The following DNAJC6 variants were observed in gnomAD, a reference collection of about 807,000 sequenced individuals.
DNAJC6 encodes auxilin.
DNAJC6 carries 34 observed loss-of-function variants against 110.0 expected under a neutral mutation model. That is an observed-to-expected ratio of 0.31 (90% CI 0.24 to 0.41). The LOEUF is 0.41. DNAJC6 is among the 10% of genes least tolerant of loss of function. The pLI is 1.00. For synonymous variants in DNAJC6, 406 were observed against 437.2 expected (o/e 0.93, Z 0.89); for missense variants, 1,031 against 1,207.8 (o/e 0.85, Z 2.17).
At chr1:65,390,196 A>T (rs970298832) in intron 11 of DNAJC6, among the ~76,000 whole-genome samples, 21 of 152,158 alleles carry the variant, frequency 1.4e-4, no homozygotes, top group Non-Finnish European at 2.6e-4. Context: ...GGACTGACAA[A>T]TAAGTGTGAT....
chr1:65,385,996 A>T (rs1416842794), intron 7 of DNAJC6, 90 bp downstream of exon 7: 13 of 1,274,414 alleles, frequency 1.0e-5, no homozygotes. Context: ...TTCCTGCAAG[A>T]CTATATCATT....
At chr1:65,359,913 T>G (rs1326808458) in intron 1 of DNAJC6, among the ~76,000 whole-genome samples, 1 of 152,244 alleles carries the variant, frequency 6.6e-6, no homozygotes, top group East Asian at 1.9e-4. Context: ...AATATCATTC[T>G]TCTTTCTACT....
At chr1:65,334,912 A>C (rs1228428332) in intron 1 of DNAJC6, among the ~76,000 whole-genome samples, 8 of 152,188 alleles carry the variant, frequency 5.3e-5, no homozygotes. Context: ...CATCACCTAC[A>C]AGATAAAATT....
At chr1:65,282,375 A>C (rs915292292) in intron 1 of DNAJC6, among the ~76,000 whole-genome samples, 3 of 152,184 alleles carry the variant, frequency 2.0e-5, no homozygotes, top group Non-Finnish European at 2.9e-5. Context: ...CAGACTTTTA[A>C]ATAAAAGGCT....
At chr1:65,396,322 G>A (rs1645976625) in intron 13 of DNAJC6, among the ~76,000 whole-genome samples, 2 of 152,160 alleles carry the variant, frequency 1.3e-5, no homozygotes, top group Non-Finnish European at 2.9e-5. Context: ...GTTAAGTCAT[G>A]TCATTGCTCT....
chr1:65,381,191 A>G (rs1463386124), intron 5 of DNAJC6, among the ~76,000 whole-genome samples: 2 of 151,814 alleles, frequency 1.3e-5, no homozygotes, highest in African/African-American at 4.8e-5. Flanking sequence ...TGCTGGGATT[A>G]CAGGCGTGAC....
At chr1:65,268,179 C>T (rs1451754903) in intron 1 of DNAJC6, among the ~76,000 whole-genome samples, 1 of 152,150 alleles carries the variant, frequency 6.6e-6, no homozygotes, top group Non-Finnish European at 1.5e-5. Flanking sequence ...TTTTTGTAAG[C>T]TACCATCACA....
chr1:65,355,185 C>G (rs868612130), intron 1 of DNAJC6, among the ~76,000 whole-genome samples: 4 of 150,076 alleles, frequency 2.7e-5, no homozygotes, highest in East Asian at 2.0e-4. Context: ...ATCGCTTGAG[C>G]CTGGGAGGCG....
chr1:65,401,305 TC>T (rs1184649700), intron 14 of DNAJC6, among the ~76,000 whole-genome samples: 1 of 152,210 alleles, frequency 6.6e-6, no homozygotes, highest in Non-Finnish European at 1.5e-5. Context: ...TTGACAATTG[TC>T]CCATTTGTTT....
At chr1:65,279,138 T>C in intron 1 of DNAJC6, 1 of 985,446 alleles carries the variant, frequency 1.0e-6, no homozygotes. Flanking sequence ...TTTGATCCTC[T>C]TTTAAAGCCA....
chr1:65,308,638 T>A (rs1645066598), upstream of DNAJC6, among the ~76,000 whole-genome samples: 1 of 152,238 alleles, frequency 6.6e-6, no homozygotes, highest in South Asian at 2.1e-4. Context: ...GAGTTACTGC[T>A]TTCTTTGGCC....
At chr1:65,343,348 A>G (rs1197059421) in intron 1 of DNAJC6, among the ~76,000 whole-genome samples, 1 of 152,190 alleles carries the variant, frequency 6.6e-6, no homozygotes, top group East Asian at 1.9e-4. Context: ...ACAGTAGACT[A>G]CCTTACCTGT....
chr1:65,348,994 A>G (rs911809408), intron 1 of DNAJC6, among the ~76,000 whole-genome samples: 1 of 145,546 alleles, frequency 6.9e-6, no homozygotes, highest in Non-Finnish European at 1.5e-5. Context: ...ATAAATATAT[A>G]TGTAAATATA....
chr1:65,372,519 A>T lies in DNAJC6; in HGVS notation c.543+6323A>T, dbSNP rs371562116. 2.0e-5 allele frequency among the ~76,000 whole-genome samples: 3 copies of T among 152,168 alleles called. No individual in the cohort carries two copies. In the East Asian group the frequency reaches 5.8e-4, roughly 29 times the overall value. On this transcript the variant is annotated intron_variant, in intron 4 of 18. Coordinates refer to ENST00000371069, the MANE Select transcript of DNAJC6 (RefSeq NM_001256864.2). ...GGTGTCTACAAGGGGAGACAGGTAT[A>T]AGCAGTTTATTCAGTACAGCTTGAC...
intron 1 of DNAJC6, among the ~76,000 whole-genome samples, chr1:65,345,260 G>A (rs2101498353): frequency 6.6e-6 from 1 of 151,504 alleles, no homozygotes; most frequent in East Asian, 1.9e-4. Flanking sequence ...GTGTGTGTGT[G>A]TGTGTGTATT....
intron 1 of DNAJC6, among the ~76,000 whole-genome samples, chr1:65,280,756 C>T (rs550868598): frequency 2.3e-4 from 35 of 152,192 alleles, no homozygotes; most frequent in Middle Eastern, 3.4e-3. Flanking sequence ...GCAGTCTTTT[C>T]ATTTTTTGGT....
At chr1:65,394,100 A>AGC (rs59610328) in intron 12 of DNAJC6, among the ~76,000 whole-genome samples, 28,306 of 152,180 alleles carry the variant, frequency 0.19, 5,869 homozygotes, top group East Asian at 0.58. Context: ...GATCCAAGAT[A>AGC]TCAGTACTCG....
At chr1:65,398,327 C>A (rs1387362608) in intron 13 of DNAJC6, among the ~76,000 whole-genome samples, 1 of 152,124 alleles carries the variant, frequency 6.6e-6, no homozygotes, top group Non-Finnish European at 1.5e-5. Flanking sequence ...GAGGAGAAAA[C>A]AAAATGTCAG....
intron 1 of DNAJC6, among the ~76,000 whole-genome samples, chr1:65,297,206 G>A (rs946752965): frequency 1.3e-5 from 2 of 152,132 alleles, no homozygotes; most frequent in African/African-American, 4.8e-5. Flanking sequence ...TTAGAAAGAG[G>A]TTGGGAAGGG....
Sources: allele counts gnomAD v4.1 joint callset (sites outside exome capture counted in the v4.1 genomes callset), GRCh38; gene constraint gnomAD v4.1.1; transcripts MANE v1.5; gene names NCBI Gene and HGNC (gene_info 2026-07-23, HGNC 2026-07-21).